The following LPO variants were observed in gnomAD, a reference collection of about 807,000 sequenced individuals.
LPO encodes lactoperoxidase.
In LPO, 70 loss-of-function variants were observed where a neutral mutation model predicts 68.4. The observed-to-expected ratio is 1.02, with a 90% CI of 0.84 to 1.25. The LOEUF is 1.25. Among genes scored for constraint, LPO ranks in the 50% most tolerant of loss-of-function variants. The probability of loss-of-function intolerance (pLI) is 0.00; values close to 1 mark genes in which losing one functional copy is unlikely to be tolerated. For synonymous variants in LPO, 360 were observed against 357.6 expected (o/e 1.01, Z -0.08); for missense variants, 873 against 908.4 (o/e 0.96, Z 0.50).
Position 58,249,193 on chromosome 17 carries a change from G to A in LPO, c.443+16G>A. On this transcript the variant is annotated intron_variant, in intron 5 of 12. Transcript: ENST00000262290. ...GCAATAACAGGTGGCGGGGCTTGGG[G>A]TGTGGGGGCCGACCATTCCAGCCAC... 1 of 1,606,344 alleles carries A rather than the reference G, an allele frequency of 6.2e-7. No individual in the cohort carries two copies. Among genetic ancestry groups the A allele is most frequent in the Non-Finnish European group, 8.5e-7 (1 of 1,173,724 alleles).
At chr17:58,248,993 C>G (rs769299027) in intron 4 of LPO, 67 bp from the exon 5 acceptor site, 14 of 1,215,718 alleles carry the variant, frequency 1.2e-5, no homozygotes, top group Non-Finnish European at 1.6e-5. Context: ...GTCTCCATTT[C>G]CTGCCTCCCA....
intron 10 of LPO, among the ~76,000 whole-genome samples, chr17:58,265,670 C>T (rs574874705): frequency 2.7e-5 from 4 of 149,546 alleles, no homozygotes; most frequent in South Asian, 4.3e-4. Context: ...CGGCCTTGAC[C>T]TCCTGGGCTC....
chr17:58,252,204 C>T lies in LPO; in HGVS notation c.803C>T (p.Ala268Val), dbSNP rs773286393. ...CAGTTCCCACCCAATGACCCCAAGG[C>T]GGGGACTCAAGGGAAATGCATGCCT... is the stretch of plus-strand genomic sequence containing the variant. ...PIMFPPNDPKAGTQGKCMPFF... is the reference protein window; with the variant it reads ...PIMFPPNDPKVGTQGKCMPFF... The change falls in exon 8 of 13, where the codon GCG becomes GTG. Residue 268 changes from alanine to valine, a missense_variant. Ala to Val is a moderately conservative substitution (Grantham distance 64). Coordinates refer to ENST00000262290, the MANE Select transcript of LPO (RefSeq NM_006151.3). 74 of 1,613,968 alleles carry T rather than the reference C, an allele frequency of 4.6e-5. No homozygotes were observed. The highest frequency in any genetic ancestry group is 5.9e-5 in the Non-Finnish European group (70 of 1,179,990).
chr17:58,265,669 C>T (rs1970249490), intron 10 of LPO, among the ~76,000 whole-genome samples: 1 of 146,434 alleles, frequency 6.8e-6, no homozygotes, highest in Non-Finnish European at 1.5e-5. Flanking sequence ...GCGGCCTTGA[C>T]CTCCTGGGCT....
chr17:58,242,127 C>T (rs1020009086), intron 1 of LPO, among the ~76,000 whole-genome samples: 3 of 152,188 alleles, frequency 2.0e-5, no homozygotes, highest in Non-Finnish European at 4.4e-5. Context: ...GCTGTGGCTG[C>T]CACCCCGGGC....
chr17:58,254,132 GATATATAGATAT>G (rs780940864), intron 8 of LPO, among the ~76,000 whole-genome samples: 2,501 of 124,382 alleles, frequency 0.02, 27 homozygotes, highest in African/African-American at 0.027. Context: ...GATGATGATA[GATATATAGATAT>G]ATAGATATAT....
In LPO at chr17:58,267,885, C is replaced by T; in HGVS notation, c.2030C>T (p.Thr677Ile). The T allele has an allele frequency of 1.2e-6, 2 of 1,614,188 alleles. No homozygotes were observed. The highest frequency in any genetic ancestry group is 1.1e-5 in the South Asian group (1 of 91,082). Residue 677 changes from threonine to isoleucine, a missense_variant, in exon 13 of 13, where the codon ACC (threonine) becomes ATC (isoleucine). Thr to Ile is a moderately conservative substitution (Grantham distance 89). Transcript: ENST00000262290. ...CTTGTCTGTGACAACACCCGCATCA[C>T]CAAGGTCCCACGGGACCCATTCTGG... Reference protein sequence around the residue: ...SRLVCDNTRITKVPRDPFWAN... With the variant: ...SRLVCDNTRIIKVPRDPFWAN...
rs1440641622 is a variant in LPO at position 58,247,445 on chromosome 17, C to T, written c.165-33C>T. On this transcript the variant is annotated intron_variant, in intron 3 of 12. Coordinates refer to ENST00000262290, the MANE Select transcript of LPO (RefSeq NM_006151.3). ...GCCCCCAGCCCCCTTCCTACAGGGT[C>T]CAGGCCATGATCCCCATCTCCCTCC... 4 of 1,591,054 alleles carry T rather than the reference C, an allele frequency of 2.5e-6. No individual in the cohort carries two copies. The East Asian group carries it at 6.7e-5, about 27-fold the overall frequency.
intron 10 of LPO, among the ~76,000 whole-genome samples, chr17:58,265,560 G>A (rs954236858): frequency 1.4e-5 from 2 of 147,168 alleles, no homozygotes; most frequent in Admixed American, 6.8e-5. Flanking sequence ...ATGAACTAGA[G>A]CTTTAAAAAT....
intron 1 of LPO, among the ~76,000 whole-genome samples, chr17:58,240,372 A>G (rs958753435): frequency 6.6e-6 from 1 of 152,064 alleles, no homozygotes; most frequent in East Asian, 1.9e-4. Flanking sequence ...TGCACTCAGC[A>G]TGTTGATAAG....
In LPO at chr17:58,244,055, C is replaced by T; in HGVS notation, c.138C>T (p.Asn46=). The change falls in exon 3 of 13, where the codon AAC becomes AAT. Residue 46 remains asparagine (N), a synonymous_variant. Coordinates refer to ENST00000262290, the MANE Select transcript of LPO (RefSeq NM_006151.3). ...TGAGTCAGGCCAAGGTCCAAGTCAA[C>T]AAGGCCTTCCTGGACTCCCGAACCA... ...DTVSQAKVQV[N]KAFLDSRTRL... The T allele has an allele frequency of 1.2e-6, 2 of 1,612,542 alleles. No homozygotes were observed. Among genetic ancestry groups the T allele is most frequent in the Non-Finnish European group, 1.7e-6 (2 of 1,179,654 alleles).
At chr17:58,249,822 C>A in intron 6 of LPO, 127 bp downstream of exon 6, 1 of 1,305,876 alleles carries the variant, frequency 7.7e-7, no homozygotes, top group Non-Finnish European at 1.0e-6. Context: ...GAGATCTGCA[C>A]AGACCCCCAC....
In LPO at chr17:58,252,253, C is replaced by G. The variant is rs1969972235; in HGVS notation, c.852C>G (p.Cys284Trp). 6.2e-7 allele frequency: 1 copy of G among 1,614,202 alleles called. No homozygotes were observed. Among genetic ancestry groups the G allele is most frequent in the African/African-American group, 1.3e-5 (1 of 75,046 alleles). The change falls in exon 8 of 13, where the codon TGC (cysteine) becomes TGG (tryptophan). Residue 284 changes from cysteine to tryptophan, a missense_variant. Coordinates refer to ENST00000262290, the MANE Select transcript of LPO (RefSeq NM_006151.3). ...CTTTCTTCCGAGCTGGGTTCGTCTG[C>G]CCCACTCCACCCTACAAGTCCCTGG... ...CMPFFRAGFV[C>W]PTPPYKSLAR...
intron 1 of LPO, among the ~76,000 whole-genome samples, chr17:58,239,457 G>T (rs566666037): frequency 2.0e-5 from 3 of 151,852 alleles, no homozygotes; most frequent in Non-Finnish European, 4.4e-5. Context: ...GATTATTTCC[G>T]CTCTAGAGGG....
At position 58,252,337 on chromosome 17, in the gene LPO, C is replaced by A. The variant is rs369628308; in HGVS notation, c.936C>A (p.Ser312=). Residue 312 remains serine (S), a synonymous_variant, in exon 8 of 13, where the codon TCC becomes TCA. Transcript: ENST00000262290. ...TGGATGCCAGCTTTGTGTACAGCTC[C>A]GAGCCAAGCCTGGCCAGCCGCCTCC... ...SFLDASFVYS[S]EPSLASRLRN... 5.4e-5 allele frequency: 87 copies of A among 1,614,058 alleles called. No homozygotes were observed. Among genetic ancestry groups the A allele is most frequent in the Non-Finnish European group, 7.3e-5 (86 of 1,180,036 alleles).
At chr17:58,249,309 C>T in intron 5 of LPO, 132 bp downstream of exon 5, 1 of 901,906 alleles carries the variant, frequency 1.1e-6, no homozygotes, top group Non-Finnish European at 1.7e-6. Flanking sequence ...TCCCACCTTC[C>T]CCACCTTCTC....
chr17:58,262,310 G>A lies in LPO; in HGVS notation c.1267-2412G>A, dbSNP rs564272631. Among the ~76,000 whole-genome samples the A allele has an allele frequency of 5.3e-5, 8 of 152,212 alleles. No individual in the cohort carries two copies. The South Asian group carries it at 1.5e-3, about 28-fold the overall frequency. ...TCAGGGTTGGTAGTTCTTGTCTTTC[G>A]GCACATGAAAAATGTGGCGACACTT... On this transcript the variant is annotated intron_variant, in intron 9 of 12. Transcript: ENST00000262290.
At chr17:58,248,962 A>C (rs1969902882) in intron 4 of LPO, 98 bp from the exon 5 acceptor site, 3 of 894,632 alleles carry the variant, frequency 3.4e-6, no homozygotes, top group Non-Finnish European at 5.7e-6. Context: ...ATGCATTCCA[A>C]AACATGCAGG....
At chr17:58,267,618 C>T (rs1468145558) in intron 12 of LPO, 32 bp downstream of exon 12, 1 of 1,567,562 alleles carries the variant, frequency 6.4e-7, no homozygotes, top group East Asian at 2.2e-5. Context: ...GAGGGAAGGG[C>T]AGGGCCCTTC....
Sources: allele counts gnomAD v4.1 joint callset (sites outside exome capture counted in the v4.1 genomes callset), GRCh38; gene constraint gnomAD v4.1.1; transcripts MANE v1.5; gene names NCBI Gene and HGNC (gene_info 2026-07-23, HGNC 2026-07-21).